The following COX7B2 variants were observed in gnomAD, a reference collection of about 807,000 sequenced individuals.
COX7B2 encodes the protein cytochrome c oxidase subunit 7B2, mitochondrial.
For missense variants in COX7B2, 109 were observed against 95.9 expected (o/e 1.14, Z -0.57); for synonymous variants, 37 against 32.1 (o/e 1.15, Z -0.51).
intron 1 of COX7B2, among the ~76,000 whole-genome samples, chr4:46,883,943 T>TA (rs1329053745): frequency 6.6e-6 from 1 of 152,188 alleles, no homozygotes; most frequent in Non-Finnish European, 1.5e-5. Context: ...TGTAGGTACT[T>TA]AAAGTATAGA....
intron 2 of COX7B2, among the ~76,000 whole-genome samples, chr4:46,770,935 C>T (rs1185619391): frequency 6.6e-6 from 1 of 151,824 alleles, no homozygotes; most frequent in Non-Finnish European, 1.5e-5. Flanking sequence ...TTTATATGAC[C>T]CCAAAAGCAC....
chr4:46,868,036 T>C (rs572786568), intron 1 of COX7B2, among the ~76,000 whole-genome samples: 1 of 152,300 alleles, frequency 6.6e-6, no homozygotes, highest in East Asian at 1.9e-4. Context: ...AGTCTATTTA[T>C]TACTTATTCA....
Position 46,830,149 on chromosome 4 carries a change from C to A in COX7B2, c.-50+14811G>T, listed in dbSNP as rs185011575. 4.0e-4 allele frequency among the ~76,000 whole-genome samples: 60 copies of A among 151,892 alleles called. No individual in the cohort carries two copies. In the East Asian group the frequency reaches 0.01, roughly 26 times the overall value. ...GACCAGCCTGGCCAACATGGTGAAA[C>A]CCCGTCTGTACTAAAAATACAAAAA... On this transcript the variant is annotated intron_variant, in intron 2 of 2. Coordinates refer to ENST00000355591, the MANE Select transcript of COX7B2 (RefSeq NM_130902.3).
At chr4:46,827,908 A>T (rs975565316) in intron 2 of COX7B2, among the ~76,000 whole-genome samples, 1 of 152,184 alleles carries the variant, frequency 6.6e-6, no homozygotes, top group African/African-American at 2.4e-5. Flanking sequence ...CAGAAAACAG[A>T]TCACTGGTTG....
intron 2 of COX7B2, among the ~76,000 whole-genome samples, chr4:46,801,456 A>G (rs1473289874): frequency 1.3e-5 from 2 of 152,166 alleles, no homozygotes; most frequent in African/African-American, 2.4e-5. Context: ...AAAGGCCATT[A>G]TCCTAGCAAT....
intron 2 of COX7B2, among the ~76,000 whole-genome samples, chr4:46,839,738 T>A (rs995899319): frequency 3.3e-5 from 5 of 152,100 alleles, no homozygotes; most frequent in Admixed American, 1.3e-4. Flanking sequence ...CTGTATTGCT[T>A]ATTGCAATTA....
intron 1 of COX7B2, among the ~76,000 whole-genome samples, chr4:46,905,326 A>C (rs750560877): frequency 1.3e-5 from 2 of 152,202 alleles, no homozygotes; most frequent in Non-Finnish European, 2.9e-5. Flanking sequence ...AACTGTCCCC[A>C]CACCTATGTA....
intron 1 of COX7B2, among the ~76,000 whole-genome samples, chr4:46,884,763 GGCTTA>G (rs1560437208): frequency 6.6e-6 from 1 of 151,944 alleles, no homozygotes; most frequent in African/African-American, 2.4e-5. Context: ...TTGTCTCCTT[GGCTTA>G]GCAGCCTCAA....
chr4:46,760,826 T>G (rs2109471815), intron 2 of COX7B2, among the ~76,000 whole-genome samples: 1 of 152,244 alleles, frequency 6.6e-6, no homozygotes, highest in South Asian at 2.1e-4. Context: ...AAAGAAACAA[T>G]TAATGAACAA....
At chr4:46,899,125 CCTT>C in intron 1 of COX7B2, among the ~76,000 whole-genome samples, 1 of 152,180 alleles carries the variant, frequency 6.6e-6, no homozygotes, top group Admixed American at 6.5e-5. Flanking sequence ...AACTCATTAT[CCTT>C]CTCCTCTACT....
chr4:46,878,123 T>C (rs1045225566), intron 1 of COX7B2, among the ~76,000 whole-genome samples: 9 of 152,104 alleles, frequency 5.9e-5, no homozygotes, highest in African/African-American at 2.2e-4. Flanking sequence ...GACGTTATGC[T>C]AAGTAAAATA....
At chr4:46,885,059 A>G (rs1216910331) in intron 1 of COX7B2, among the ~76,000 whole-genome samples, 4 of 152,160 alleles carry the variant, frequency 2.6e-5, no homozygotes, top group Non-Finnish European at 5.9e-5. Context: ...ATAAAAATAC[A>G]TCAAACATAA....
At chr4:46,799,097 A>G (rs1206061238) in intron 2 of COX7B2, among the ~76,000 whole-genome samples, 1 of 152,120 alleles carries the variant, frequency 6.6e-6, no homozygotes, top group Non-Finnish European at 1.5e-5. Context: ...TGTATTCTGA[A>G]GGTTTTCTCT....
intron 1 of COX7B2, among the ~76,000 whole-genome samples, chr4:46,897,094 A>G (rs1262784646): frequency 3.3e-5 from 5 of 152,278 alleles, no homozygotes; most frequent in Admixed American, 6.5e-5. Flanking sequence ...TGTTTTGTAG[A>G]CTATGGCTGG....
At chr4:46,838,501 G>A (rs1159127813) in intron 2 of COX7B2, among the ~76,000 whole-genome samples, 1 of 152,060 alleles carries the variant, frequency 6.6e-6, no homozygotes, top group Non-Finnish European at 1.5e-5. Flanking sequence ...TTGTGCCAAA[G>A]AAAAGTATCT....
At chr4:46,763,896 G>A (rs1246548290) in intron 2 of COX7B2, among the ~76,000 whole-genome samples, 1 of 152,128 alleles carries the variant, frequency 6.6e-6, no homozygotes, top group East Asian at 1.9e-4. Context: ...TTTTACTTAA[G>A]CTAATACTTG....
intron 1 of COX7B2, among the ~76,000 whole-genome samples, chr4:46,874,094 G>A (rs1718172566): frequency 6.6e-6 from 1 of 152,026 alleles, no homozygotes; most frequent in Admixed American, 6.6e-5. Context: ...TGTATCTTGA[G>A]TTTGGGAACT....
intron 2 of COX7B2, among the ~76,000 whole-genome samples, chr4:46,832,958 T>TTTGCA (rs1715256942): frequency 1.3e-5 from 2 of 151,866 alleles, no homozygotes; most frequent in Non-Finnish European, 2.9e-5. Context: ...CAGGCTGGAG[T>TTTGCA]GCAAAGGCGT....
chr4:46,866,868 A>T (rs889383335), intron 1 of COX7B2, among the ~76,000 whole-genome samples: 1 of 152,186 alleles, frequency 6.6e-6, no homozygotes, highest in African/African-American at 2.4e-5. Context: ...ACTCTGGACA[A>T]GTTGAGTTTA....
Sources: gnomAD v4.1 joint callset for allele counts (sites outside exome capture counted in the v4.1 genomes callset) on GRCh38, gnomAD v4.1.1 for gene constraint, MANE v1.5 for transcripts, NCBI Gene and HGNC (gene_info 2026-07-23, HGNC 2026-07-21) for gene names.